The following FBXW7 variants were observed in gnomAD, a reference collection of about 807,000 sequenced individuals.
The protein encoded by FBXW7 is F-box and WD repeat domain containing 7, also known as F-box/WD repeat-containing protein 7.
FBXW7 carries 11 observed loss-of-function variants against 86.3 expected under a neutral mutation model. That is an observed-to-expected ratio of 0.13 (90% CI 0.08 to 0.21). The LOEUF (loss-of-function observed/expected upper bound fraction) is 0.21. Ranked by LOEUF, FBXW7 falls within the 10% of genes least tolerant of loss-of-function variation. The probability of loss-of-function intolerance (pLI) is 1.00; values close to 1 mark genes in which losing one functional copy is unlikely to be tolerated. For missense variants in FBXW7, 488 were observed against 847.4 expected (o/e 0.58, Z 5.27); for synonymous variants, 313 against 297.9 (o/e 1.05, Z -0.52).
intron 2 of FBXW7, among the ~76,000 whole-genome samples, chr4:152,466,585 TAATA>T: frequency 6.6e-6 from 1 of 151,738 alleles, no homozygotes; most frequent in South Asian, 2.1e-4. Context: ...GACATTTACT[TAATA>T]GAGGAAAAAC....
At chr4:152,348,709 G>T in intron 5 of FBXW7, 1 of 1,179,082 alleles carries the variant, frequency 8.5e-7, no homozygotes, top group Non-Finnish European at 1.1e-6. Flanking sequence ...ATAGAAGACT[G>T]ATACATTTAA....
At position 152,332,579 on chromosome 4, in the gene FBXW7, GC is replaced by G; in HGVS notation, c.985+16del. 1 of 1,553,902 alleles carries G rather than the reference GC, an allele frequency of 6.4e-7. No individual in the cohort carries two copies. Among genetic ancestry groups the G allele is most frequent in the South Asian group, 1.2e-5 (1 of 85,078 alleles). On this transcript the variant is annotated intron_variant, in intron 8 of 13. Coordinates refer to ENST00000281708, the MANE Select transcript of FBXW7 (RefSeq NM_001349798.2). Reference sequence around the variant, plus strand: ...TTCAAAGTATAAACATATTCTCTATGCAATTTTGAACCTTACCCTCTTCTTT... The same window carrying G: ...TTCAAAGTATAAACATATTCTCTATGAATTTTGAACCTTACCCTCTTCTTT...
chr4:152,507,909 G>A lies in FBXW7; in HGVS notation c.-120+27032C>T, dbSNP rs186314487. Among the ~76,000 whole-genome samples the A allele has an allele frequency of 1.8e-3, 276 of 150,854 alleles. 1 individual carries two copies. Among genetic ancestry groups the A allele is most frequent in the African/African-American group, 6.6e-3 (270 of 41,200 alleles). On this transcript the variant is annotated intron_variant, in intron 2 of 13. Coordinates refer to ENST00000281708, the MANE Select transcript of FBXW7 (RefSeq NM_001349798.2). Reference sequence around the variant, plus strand: ...TCTATTGGAGAAAAAAAAAAAAGGCGAAAACTAGCTGGGTGTGGTGGCACA... The same window carrying A: ...TCTATTGGAGAAAAAAAAAAAAGGCAAAAACTAGCTGGGTGTGGTGGCACA...
chr4:152,438,773 T>C (rs1012531582), intron 2 of FBXW7, among the ~76,000 whole-genome samples: 7 of 152,180 alleles, frequency 4.6e-5, no homozygotes, highest in Non-Finnish European at 8.8e-5. Context: ...AGTACTACCC[T>C]ACCCACATGG....
chr4:152,350,618 T>C (rs2126652421), intron 4 of FBXW7, among the ~76,000 whole-genome samples: 1 of 151,788 alleles, frequency 6.6e-6, no homozygotes, highest in East Asian at 1.9e-4. Context: ...TATAAGAGGG[T>C]AAAGAGCAGT....
intron 2 of FBXW7, among the ~76,000 whole-genome samples, chr4:152,513,087 C>G (rs374871969): frequency 9.2e-5 from 14 of 152,260 alleles, no homozygotes; most frequent in Middle Eastern, 3.4e-3. Flanking sequence ...GTCTCGAACC[C>G]TTGACCTCAG....
At chr4:152,456,105 T>C (rs552800663) in intron 2 of FBXW7, among the ~76,000 whole-genome samples, 1 of 151,560 alleles carries the variant, frequency 6.6e-6, no homozygotes, top group Non-Finnish European at 1.5e-5. Context: ...TGAGAAGACA[T>C]GGGTAAAGAA....
At chr4:152,454,254 C>A (rs1048949376) in intron 2 of FBXW7, among the ~76,000 whole-genome samples, 12 of 123,178 alleles carry the variant, frequency 9.7e-5, no homozygotes, top group African/African-American at 2.4e-4. Context: ...TCTCTAAGCC[C>A]CCCCCCCCTT....
chr4:152,376,538 A>C (rs1734533616), intron 4 of FBXW7, among the ~76,000 whole-genome samples: 1 of 152,156 alleles, frequency 6.6e-6, no homozygotes. Context: ...GTTTATACAT[A>C]CAAAAACAAC....
At chr4:152,438,571 A>C (rs1366475286) in intron 2 of FBXW7, among the ~76,000 whole-genome samples, 3 of 152,194 alleles carry the variant, frequency 2.0e-5, no homozygotes. Flanking sequence ...GCTACTCAGG[A>C]GGCTGAGGAA....
At chr4:152,479,365 T>C (rs535712622) in intron 2 of FBXW7, among the ~76,000 whole-genome samples, 3 of 152,286 alleles carry the variant, frequency 2.0e-5, no homozygotes, top group East Asian at 3.9e-4. Context: ...CAAAGATATC[T>C]ATTTTTAAGC....
At chr4:152,410,593 T>C (rs956392228) in intron 4 of FBXW7, among the ~76,000 whole-genome samples, 6 of 152,166 alleles carry the variant, frequency 3.9e-5, no homozygotes, top group African/African-American at 1.4e-4. Context: ...TTAATCCAAG[T>C]GTGTAAGATA....
intron 4 of FBXW7, chr4:152,411,078 T>TA (rs1737904495): frequency 1.3e-6 from 1 of 765,226 alleles, no homozygotes; most frequent in African/African-American, 1.8e-5. Context: ...TTCATAGTAA[T>TA]AGGCTCAATT....
intron 2 of FBXW7, among the ~76,000 whole-genome samples, chr4:152,457,977 G>C (rs1369439292): frequency 6.7e-6 from 1 of 150,286 alleles, no homozygotes; most frequent in Non-Finnish European, 1.5e-5. Flanking sequence ...CTTTTAATTT[G>C]ATGTTTACAA....
chr4:152,344,446 G>A (rs774321232), intron 6 of FBXW7, among the ~76,000 whole-genome samples: 1 of 151,758 alleles, frequency 6.6e-6, no homozygotes, highest in Non-Finnish European at 1.5e-5. Flanking sequence ...TGCTATTCCT[G>A]TTAACTAAGA....
At chr4:152,408,764 G>GT (rs1737664185) in intron 4 of FBXW7, among the ~76,000 whole-genome samples, 1 of 152,164 alleles carries the variant, frequency 6.6e-6, no homozygotes, top group Non-Finnish European at 1.5e-5. Context: ...AGAGAAAGGG[G>GT]TTTTTTGCTA....
intron 2 of FBXW7, among the ~76,000 whole-genome samples, chr4:152,506,646 A>C (rs898450994): frequency 6.6e-6 from 1 of 152,246 alleles, no homozygotes; most frequent in Non-Finnish European, 1.5e-5. Flanking sequence ...ATTGCACAGA[A>C]GATGAATAAA....
At chr4:152,388,097 T>G (rs1735699182) in intron 4 of FBXW7, among the ~76,000 whole-genome samples, 1 of 152,146 alleles carries the variant, frequency 6.6e-6, no homozygotes, top group African/African-American at 2.4e-5. Context: ...TTTATAAGAT[T>G]AAAATCACAT....
rs767619725 is a variant in FBXW7, at chr4:152,329,811, AAT to A, written c.1123-28_1123-27del. ...CTATAAGAAAGATGTGCAGATTAGA[AAT>A]ATGTTAATTAAATTATGTTCTTTAA... On this transcript the variant is annotated intron_variant, in intron 9 of 13. Coordinates refer to ENST00000281708, the MANE Select transcript of FBXW7 (RefSeq NM_001349798.2). 3.2e-4 allele frequency: 416 copies of A among 1,294,448 alleles called. 1 individual carries two copies. Among genetic ancestry groups the A allele is most frequent in the Non-Finnish European group, 4.0e-4 (384 of 950,366 alleles). 80.2% of individuals were successfully genotyped at this position (1,294,448 alleles called of 1,614,324 possible).
Sources: gnomAD v4.1 joint callset for allele counts (sites outside exome capture counted in the v4.1 genomes callset) on GRCh38, gnomAD v4.1.1 for gene constraint, MANE v1.5 for transcripts, NCBI Gene and HGNC (gene_info 2026-07-23, HGNC 2026-07-21) for gene names.